The following NLK variants were observed in gnomAD, a reference collection of about 807,000 sequenced individuals.
The protein encoded by NLK is nemo like kinase, also known as serine/threonine-protein kinase NLK.
Under a neutral mutation model 59.0 loss-of-function variants are expected in NLK, and 11 were observed. The observed-to-expected ratio is 0.19, with a 90% CI of 0.12 to 0.31. NLK has a LOEUF of 0.31. Among genes scored for constraint, NLK ranks in the 10% least tolerant of loss-of-function variants. The probability of loss-of-function intolerance (pLI) is 1.00; values close to 1 mark genes in which losing one functional copy is unlikely to be tolerated. For missense variants in NLK, 410 were observed against 661.1 expected (o/e 0.62, Z 4.16); for synonymous variants, 235 against 235.9 (o/e 1.00, Z 0.03).
chr17:28,160,657 A>T (rs1191022067), intron 3 of NLK, among the ~76,000 whole-genome samples: 1 of 152,190 alleles, frequency 6.6e-6, no homozygotes, highest in African/African-American at 2.4e-5. Flanking sequence ...AATTACTAAG[A>T]TTGTGGAGAG....
chr17:28,199,696 A>AAAAAAAAAAAC (rs1909579917), downstream of NLK, among the ~76,000 whole-genome samples: 5 of 20,904 alleles, frequency 2.4e-4, no homozygotes, highest in African/African-American at 7.1e-4. Flanking sequence ...AAAACAAAAC[A>AAAAAAAAAAAC]AAAAAAAAAA....
intron 1 of NLK, among the ~76,000 whole-genome samples, chr17:28,122,057 C>A (rs1906088916): frequency 6.6e-6 from 1 of 152,152 alleles, no homozygotes; most frequent in Non-Finnish European, 1.5e-5. Context: ...ACAGGGATCC[C>A]TAAGCTGGCA....
At chr17:28,048,632 A>G (rs1351308625) in intron 1 of NLK, 1 of 152,208 alleles carries the variant, frequency 6.6e-6, no homozygotes, top group Non-Finnish European at 1.5e-5. Flanking sequence ...TTCAAAGCAC[A>G]GGCAGCTGTA....
chr17:28,061,919 A>G (rs1471113328), intron 1 of NLK: 1 of 142,496 alleles, frequency 7.0e-6, no homozygotes, highest in East Asian at 2.0e-4. Flanking sequence ...ATACATATAT[A>G]TACATATATA....
At chr17:28,046,152 G>A (rs1909044993) in intron 1 of NLK, among the ~76,000 whole-genome samples, 2 of 152,160 alleles carry the variant, frequency 1.3e-5, no homozygotes, top group Admixed American at 6.5e-5. Context: ...ATGTAGACAA[G>A]GAGAGATATT....
At chr17:28,051,547 C>G (rs562295129) in intron 1 of NLK, among the ~76,000 whole-genome samples, 1 of 151,702 alleles carries the variant, frequency 6.6e-6, no homozygotes, top group African/African-American at 2.4e-5. Context: ...TTAGTAGAGA[C>G]GGGGTTTCAC....
intron 2 of NLK, among the ~76,000 whole-genome samples, chr17:28,123,076 A>G (rs1275939758): frequency 1.3e-5 from 2 of 152,166 alleles, no homozygotes; most frequent in Admixed American, 6.5e-5. Context: ...CAACCTTAAC[A>G]TATTAGACTC....
At chr17:28,104,461 G>A (rs1255106176) in intron 1 of NLK, among the ~76,000 whole-genome samples, 1 of 151,954 alleles carries the variant, frequency 6.6e-6, no homozygotes, top group African/African-American at 2.4e-5. Context: ...TCACCATGTT[G>A]GTCAGGCTGG....
intron 1 of NLK, among the ~76,000 whole-genome samples, chr17:28,088,094 G>A (rs753351107): frequency 4.6e-5 from 7 of 152,130 alleles, no homozygotes; most frequent in Non-Finnish European, 2.9e-5. Flanking sequence ...GTTACTGGTT[G>A]CATCCATGTA....
rs557370859 is a variant in NLK, at chr17:28,168,725, A to T, written c.1047+68A>T. ...ATTTGAAGGAAAATCCATCTTGCAC[A>T]TGTGTCTTGGGCTTATTCATTATAC... On this transcript the variant is annotated intron_variant, in intron 6 of 10. Coordinates refer to ENST00000407008, the MANE Select transcript of NLK (RefSeq NM_016231.5). The T allele has an allele frequency of 4.8e-6, 6 of 1,252,620 alleles. No homozygotes were observed. The South Asian group carries it at 7.3e-5, about 15-fold the overall frequency. The allele number at this position is 1,252,620 out of a possible 1,614,324, so 77.6% of individuals were successfully genotyped here.
intron 7 of NLK, among the ~76,000 whole-genome samples, chr17:28,179,395 TTTTTTATTTTATTTTA>T (rs929682159): frequency 2.0e-5 from 3 of 151,866 alleles, no homozygotes; most frequent in South Asian, 2.1e-4. Context: ...CTGCCTAGCC[TTTTTTATTTTATTTTA>T]TTTTTATTTT....
chr17:28,120,587 G>A (rs1355275851), intron 1 of NLK, among the ~76,000 whole-genome samples: 2 of 152,132 alleles, frequency 1.3e-5, no homozygotes, highest in African/African-American at 2.4e-5. Flanking sequence ...CTGCACTCCA[G>A]CCTGGGTGAC....
chr17:28,087,874 G>A lies in NLK; in HGVS notation c.459-34729G>A, dbSNP rs76024418. 9.2e-3 allele frequency among the ~76,000 whole-genome samples: 1,405 copies of A among 152,006 alleles called. 28 individuals carry two copies. The highest frequency in any genetic ancestry group is 0.032 in the African/African-American group (1,309 of 41,304). On this transcript the variant is annotated intron_variant, in intron 1 of 10. Coordinates refer to ENST00000407008, the MANE Select transcript of NLK (RefSeq NM_016231.5). ...GCTTTAGACATGTCACCTCTTTGGT[G>A]TCATCATGAGAGATTTGATAATCAG... is the stretch of plus-strand genomic sequence containing the variant.
chr17:28,074,840 T>C (rs1381344127), intron 1 of NLK, among the ~76,000 whole-genome samples: 2 of 152,072 alleles, frequency 1.3e-5, no homozygotes, highest in Non-Finnish European at 2.9e-5. Flanking sequence ...GACTTAACAA[T>C]AGAGGGAAGG....
intron 1 of NLK, among the ~76,000 whole-genome samples, chr17:28,075,817 C>T (rs760008071): frequency 6.6e-6 from 1 of 152,104 alleles, no homozygotes; most frequent in Non-Finnish European, 1.5e-5. Context: ...AACCCTTATT[C>T]CTCCTCTTCC....
At chr17:28,071,041 AG>A (rs1909989613) in intron 1 of NLK, among the ~76,000 whole-genome samples, 1 of 152,116 alleles carries the variant, frequency 6.6e-6, no homozygotes, top group African/African-American at 2.4e-5. Flanking sequence ...TTGCTGTGGG[AG>A]GGTCTCCTAT....
At chr17:28,132,446 C>T (rs1284760616) in intron 2 of NLK, among the ~76,000 whole-genome samples, 174 bp from the exon 3 acceptor site, 2 of 152,128 alleles carry the variant, frequency 1.3e-5, no homozygotes, top group Admixed American at 6.5e-5. Context: ...AGTAAGTGTA[C>T]GAATCCATCT....
chr17:28,191,344 C>T (rs769598252), intron 9 of NLK, 125 bp downstream of exon 9: 38 of 650,940 alleles, frequency 5.8e-5, no homozygotes, highest in Non-Finnish European at 8.1e-5. Flanking sequence ...TACAACCTTG[C>T]GTATAGCTGT....
chr17:28,186,804 G>GT (rs1229272554), intron 8 of NLK, among the ~76,000 whole-genome samples: 2 of 152,174 alleles, frequency 1.3e-5, no homozygotes, highest in African/African-American at 4.8e-5. Flanking sequence ...TGAGATTTGG[G>GT]TGGGGACACA....
Sources: allele counts gnomAD v4.1 joint callset (sites outside exome capture counted in the v4.1 genomes callset), GRCh38; gene constraint gnomAD v4.1.1; transcripts MANE v1.5; gene names NCBI Gene and HGNC (gene_info 2026-07-23, HGNC 2026-07-21).